Variants in TGFB2 observed in about 807,000 individuals in gnomAD.
TGFB2 encodes the protein transforming growth factor beta 2.
TGFB2 carries 13 observed loss-of-function variants against 42.7 expected under a neutral mutation model. The observed-to-expected ratio is 0.30, with a 90% CI of 0.20 to 0.48. The LOEUF is 0.48. Ranked by LOEUF, TGFB2 falls within the 20% of genes least tolerant of loss-of-function variation. The probability of loss-of-function intolerance (pLI) is 0.99; values close to 1 mark genes in which losing one functional copy is unlikely to be tolerated. For missense variants in TGFB2, 390 were observed against 517.5 expected (o/e 0.75, Z 2.39); for synonymous variants, 193 against 193.6 (o/e 1.00, Z 0.03).
At chr1:218,352,127 C>G (rs1408499187) in intron 1 of TGFB2, among the ~76,000 whole-genome samples, 1 of 146,614 alleles carries the variant, frequency 6.8e-6, no homozygotes, top group Admixed American at 6.9e-5. Flanking sequence ...GCCCACAGCA[C>G]CCCCACCCCA....
intron 6 of TGFB2, among the ~76,000 whole-genome samples, chr1:218,439,732 G>T (rs1385923093): frequency 6.6e-6 from 1 of 152,176 alleles, no homozygotes; most frequent in Non-Finnish European, 1.5e-5. Context: ...TGTAATGTGG[G>T]CAAGGCCCTG....
At chr1:218,361,587 G>A (rs548531211) in intron 1 of TGFB2, among the ~76,000 whole-genome samples, 169 of 152,288 alleles carry the variant, frequency 1.1e-3, no homozygotes, top group Non-Finnish European at 2.1e-3. Flanking sequence ...TAGGGCCATA[G>A]TTTGAAGAAA....
chr1:218,441,425 AAC>A lies in TGFB2; in HGVS notation c.*64_*65del. On this transcript the variant is annotated 3_prime_UTR_variant, in exon 7 of 7. Transcript: ENST00000366930. ...TGATGATAATGATGATGACGACGAC[AAC>A]GATGATGCTTGTAACAAGAAAACAT... 2.0e-6 allele frequency: 3 copies of A among 1,512,128 alleles called. No homozygotes were observed. The highest frequency in any genetic ancestry group is 2.7e-6 in the Non-Finnish European group (3 of 1,127,584). The allele number at this position is 1,512,128 out of a possible 1,614,324, so 93.7% of individuals were successfully genotyped here. A position where few individuals can be genotyped will look rare whatever the true frequency, so the allele number is the denominator to read the frequency against.
chr1:218,406,591 A>G (rs1169589047), intron 2 of TGFB2, among the ~76,000 whole-genome samples: 2 of 152,236 alleles, frequency 1.3e-5, no homozygotes, highest in African/African-American at 4.8e-5. Flanking sequence ...GAATAGTGGT[A>G]CTTGCATATA....
Position 218,441,365 on chromosome 1 carries a change from T to C in TGFB2, c.*3T>C, listed in dbSNP as rs753809089. Reference sequence around the variant, plus strand: ...TAAAGTCTTGCAAATGCAGCTAAAATTCTTGGAAAAGTGGCAAGACCAAAA... The same window carrying C: ...TAAAGTCTTGCAAATGCAGCTAAAACTCTTGGAAAAGTGGCAAGACCAAAA... On this transcript the variant is annotated 3_prime_UTR_variant, in exon 7 of 7. Transcript: ENST00000366930. 2 of 1,596,858 alleles carry C rather than the reference T, an allele frequency of 1.3e-6. No homozygotes were observed. The highest frequency in any genetic ancestry group is 1.7e-4 in the Middle Eastern group (1 of 5,974).
At chr1:218,430,945 A>G (rs996515760) in intron 2 of TGFB2, among the ~76,000 whole-genome samples, 15 of 152,208 alleles carry the variant, frequency 9.9e-5, no homozygotes, top group African/African-American at 3.4e-4. Context: ...ATAGTCTCCA[A>G]GAATATGAGG....
intron 1 of TGFB2, among the ~76,000 whole-genome samples, chr1:218,379,176 A>T (rs1200929888): frequency 7.2e-6 from 1 of 139,220 alleles, no homozygotes; most frequent in Non-Finnish European, 1.5e-5. Context: ...TCTGTCACCC[A>T]GGCTGGAGTG....
chr1:218,420,937 C>A (rs577439298), intron 2 of TGFB2, among the ~76,000 whole-genome samples: 1 of 152,276 alleles, frequency 6.6e-6, no homozygotes, highest in South Asian at 2.1e-4. Flanking sequence ...TTACTTACGA[C>A]CTCTTAGACA....
intron 1 of TGFB2, among the ~76,000 whole-genome samples, chr1:218,368,194 G>GA (rs1039731981): frequency 2.6e-5 from 4 of 151,606 alleles, no homozygotes; most frequent in African/African-American, 9.7e-5. Context: ...GCCCAGGCTG[G>GA]AGTACAGCAG....
chr1:218,395,505 C>T (rs893027380), intron 1 of TGFB2, among the ~76,000 whole-genome samples: 1 of 152,128 alleles, frequency 6.6e-6, no homozygotes, highest in African/African-American at 2.4e-5. Flanking sequence ...GCACAGAAGG[C>T]AGGATATTAT....
chr1:218,405,107 C>G (rs935980237), intron 1 of TGFB2, 62 bp from the exon 2 acceptor site: 8 of 1,506,090 alleles, frequency 5.3e-6, no homozygotes, highest in Admixed American at 2.1e-5. Flanking sequence ...TCTCACGCTA[C>G]AGTCTTCTCT....
chr1:218,386,556 AG>A (rs1240631259), intron 1 of TGFB2, among the ~76,000 whole-genome samples: 2 of 152,242 alleles, frequency 1.3e-5, no homozygotes, highest in Non-Finnish European at 2.9e-5. Context: ...CTACTGAATC[AG>A]GCTCAAGCCT....
chr1:218,427,630 T>C (rs4450076), intron 2 of TGFB2, among the ~76,000 whole-genome samples: 152,231 of 152,246 alleles, frequency 1, 76,108 homozygotes, highest in Middle Eastern at 1. Flanking sequence ...TGATGGTTTC[T>C]AGCTTCATCC....
intron 1 of TGFB2, among the ~76,000 whole-genome samples, chr1:218,384,397 G>A (rs1368507117): frequency 6.6e-6 from 1 of 152,204 alleles, no homozygotes; most frequent in African/African-American, 2.4e-5. Context: ...TTATAAGACA[G>A]ATTATGTATA....
intron 2 of TGFB2, among the ~76,000 whole-genome samples, chr1:218,415,337 G>C (rs1285282814): frequency 6.6e-6 from 1 of 152,166 alleles, no homozygotes; most frequent in Non-Finnish European, 1.5e-5. Flanking sequence ...TGTCCCAGGA[G>C]TTTGCTTCAG....
intron 1 of TGFB2, among the ~76,000 whole-genome samples, chr1:218,363,717 C>A (rs777888873): frequency 6.6e-6 from 1 of 152,098 alleles, no homozygotes; most frequent in Non-Finnish European, 1.5e-5. Flanking sequence ...TTTCCTGATC[C>A]CCATGGAGGC....
At chr1:218,353,817 G>A (rs552757240) in intron 1 of TGFB2, among the ~76,000 whole-genome samples, 18 of 152,236 alleles carry the variant, frequency 1.2e-4, no homozygotes, top group African/African-American at 4.1e-4. Flanking sequence ...TTGAGCCTAG[G>A]AGTTTGAGGC....
At chr1:218,398,073 C>T (rs907610252) in intron 1 of TGFB2, among the ~76,000 whole-genome samples, 1 of 152,218 alleles carries the variant, frequency 6.6e-6, no homozygotes, top group Admixed American at 6.6e-5. Context: ...TTCTTCTTTT[C>T]CCCGGACTTT....
chr1:218,403,620 A>G (rs1047635401), intron 1 of TGFB2, among the ~76,000 whole-genome samples: 2 of 152,230 alleles, frequency 1.3e-5, no homozygotes, highest in Admixed American at 1.3e-4. Context: ...CCAACTATGC[A>G]AACGGGATAT....
Sources: gnomAD v4.1 joint callset for allele counts (sites outside exome capture counted in the v4.1 genomes callset) on GRCh38, gnomAD v4.1.1 for gene constraint, MANE v1.5 for transcripts, NCBI Gene and HGNC (gene_info 2026-07-23, HGNC 2026-07-21) for gene names.